Variants in UCHL3 observed in about 807,000 individuals in gnomAD.
The protein encoded by UCHL3 is ubiquitin C-terminal hydrolase L3.
In UCHL3, 22 loss-of-function variants were observed where a neutral mutation model predicts 35.8. The observed-to-expected ratio is 0.61, with a 90% CI of 0.44 to 0.88. The LOEUF is 0.88. Ranked by LOEUF, UCHL3 falls within the 40% of genes least tolerant of loss-of-function variation. The pLI is 0.00. For missense variants in UCHL3, 229 were observed against 276.9 expected (o/e 0.83, Z 1.23); for synonymous variants, 90 against 92.8 (o/e 0.97, Z 0.17).
At chr13:75,564,608 C>A (rs2031626277) in intron 3 of UCHL3, among the ~76,000 whole-genome samples, 1 of 152,204 alleles carries the variant, frequency 6.6e-6, no homozygotes, top group South Asian at 2.1e-4. Context: ...TGCATTCCCA[C>A]CAACAGTGCA....
chr13:75,571,251 T>G (rs574067423), intron 6 of UCHL3, among the ~76,000 whole-genome samples: 1 of 152,294 alleles, frequency 6.6e-6, no homozygotes, highest in African/African-American at 2.4e-5. Context: ...AAATATTTAT[T>G]TTTGCCATAC....
At chr13:75,561,160 C>T (rs771911593) in intron 3 of UCHL3, among the ~76,000 whole-genome samples, 13 of 152,238 alleles carry the variant, frequency 8.5e-5, no homozygotes, top group Non-Finnish European at 1.5e-4. Context: ...GTCTCCAACT[C>T]GGGCTCAAGT....
intron 6 of UCHL3, among the ~76,000 whole-genome samples, chr13:75,592,448 A>ATG (rs1555276774): frequency 1.9e-4 from 22 of 116,640 alleles, no homozygotes; most frequent in African/African-American, 6.5e-4. Flanking sequence ...ATATATATAT[A>ATG]TATATATATA....
chr13:75,591,698 A>G (rs776509939), intron 6 of UCHL3, among the ~76,000 whole-genome samples: 5 of 152,178 alleles, frequency 3.3e-5, no homozygotes, highest in East Asian at 3.8e-4. Flanking sequence ...AGATTCTACC[A>G]CTTACTAGCT....
At chr13:75,600,252 G>A (rs757183978) in intron 7 of UCHL3, among the ~76,000 whole-genome samples, 42 of 152,222 alleles carry the variant, frequency 2.8e-4, no homozygotes, top group Non-Finnish European at 5.0e-4. Flanking sequence ...TGGAGAAGCT[G>A]CAAGTTATCC....
chr13:75,585,732 G>A (rs2032304969), intron 6 of UCHL3, among the ~76,000 whole-genome samples: 1 of 151,962 alleles, frequency 6.6e-6, no homozygotes, highest in Non-Finnish European at 1.5e-5. Flanking sequence ...TAAGACAATA[G>A]CACAAAGGGA....
At chr13:75,580,670 C>T (rs2032155380) in intron 6 of UCHL3, among the ~76,000 whole-genome samples, 1 of 152,072 alleles carries the variant, frequency 6.6e-6, no homozygotes, top group African/African-American at 2.4e-5. Context: ...TGATGGTTAC[C>T]ATTTTCTGAA....
intron 7 of UCHL3, among the ~76,000 whole-genome samples, chr13:75,601,625 A>G (rs192570613): frequency 6.4e-4 from 98 of 152,320 alleles, no homozygotes; most frequent in African/African-American, 2.2e-3. Context: ...TAGACTACAG[A>G]GTAATATAAA....
rs563742640 is a variant in UCHL3, at chr13:75,587,176, G to A, written c.475-7739G>A. On this transcript the variant is annotated intron_variant, in intron 6 of 8. Coordinates refer to ENST00000377595, the MANE Select transcript of UCHL3 (RefSeq NM_006002.5). ...AAATAAAGGGAATATTGTTTAAAAA[G>A]GAAGAAGTAAAGCAGTCTCTAATCA... 2.0e-3 allele frequency among the ~76,000 whole-genome samples: 309 copies of A among 152,044 alleles called. 5 individuals carry two copies. Among genetic ancestry groups the A allele is most frequent in the Non-Finnish European group, 1.4e-3 (92 of 67,916 alleles).
intron 2 of UCHL3, 88 bp from the exon 3 acceptor site, chr13:75,560,665 T>A: frequency 8.0e-7 from 1 of 1,256,946 alleles, no homozygotes; most frequent in Non-Finnish European, 1.1e-6. Context: ...TTGTTGATCA[T>A]TTCCCTTTTA....
Position 75,604,810 on chromosome 13 carries a change from G to A in UCHL3, c.592G>A (p.Asp198Asn), listed in dbSNP as rs868615397. The A allele has an allele frequency of 1.3e-6, 2 of 1,598,834 alleles. No individual in the cohort carries two copies. Among genetic ancestry groups the A allele is most frequent in the Non-Finnish European group, 1.7e-6 (2 of 1,172,944 alleles). ...PFPINHGETS[D>N]ETLLEDAIEV... The stretch of plus-strand genomic sequence containing the variant: ...TCCAATTAACCATGGTGAAACTAGT[G>A]ATGAAACTTTATTAGAGGTAACAGT... Residue 198 changes from aspartate (D) to asparagine (N), a missense_variant, in exon 8 of 9, where the codon GAT (aspartate) becomes AAT (asparagine). By Grantham distance (23) the Asp-to-Asn change is conservative. Transcript: ENST00000377595.
chr13:75,596,248 A>G (rs186588118), intron 7 of UCHL3, among the ~76,000 whole-genome samples: 156 of 152,356 alleles, frequency 1.0e-3, no homozygotes, highest in Non-Finnish European at 1.9e-3. Context: ...ATTTATAAAA[A>G]TGTGCAACCC....
At chr13:75,570,050 C>T (rs1201802581) in intron 6 of UCHL3, among the ~76,000 whole-genome samples, 1 of 152,022 alleles carries the variant, frequency 6.6e-6, no homozygotes, top group Non-Finnish European at 1.5e-5. Context: ...TTCCTTCCAT[C>T]TTTTCTTTCT....
chr13:75,573,631 G>A (rs1187984518), intron 6 of UCHL3, among the ~76,000 whole-genome samples: 1 of 152,138 alleles, frequency 6.6e-6, no homozygotes, highest in Non-Finnish European at 1.5e-5. Context: ...GAGAGACGGG[G>A]AGAGAGAGAT....
At chr13:75,579,939 G>A (rs1174152430) in intron 6 of UCHL3, among the ~76,000 whole-genome samples, 1 of 152,118 alleles carries the variant, frequency 6.6e-6, no homozygotes, top group Admixed American at 6.5e-5. Context: ...ACAATGGTAA[G>A]CTTAGGTTTA....
At chr13:75,552,220 G>T (rs2031137427) in intron 2 of UCHL3, among the ~76,000 whole-genome samples, 1 of 152,176 alleles carries the variant, frequency 6.6e-6, no homozygotes, top group Non-Finnish European at 1.5e-5. Flanking sequence ...TAAAAATTTT[G>T]TGGTTGTTTC....
intron 8 of UCHL3, among the ~76,000 whole-genome samples, chr13:75,605,278 C>T (rs1056432965): frequency 1.1e-4 from 16 of 152,074 alleles, no homozygotes; most frequent in Non-Finnish European, 1.9e-4. Context: ...GAGGCCGAGG[C>T]GGGTGGATCA....
At chr13:75,605,456 C>G (rs558720942) in intron 8 of UCHL3, among the ~76,000 whole-genome samples, 1 of 152,012 alleles carries the variant, frequency 6.6e-6, no homozygotes, top group Non-Finnish European at 1.5e-5. Flanking sequence ...TGCAGTGGGC[C>G]GAGATTGCAC....
At chr13:75,556,930 G>T (rs1331084772) in intron 2 of UCHL3, among the ~76,000 whole-genome samples, 1 of 152,200 alleles carries the variant, frequency 6.6e-6, no homozygotes, top group Non-Finnish European at 1.5e-5. Context: ...CTGGTAAAAG[G>T]ATACACTGGG....
Sources: allele counts gnomAD v4.1 joint callset (sites outside exome capture counted in the v4.1 genomes callset), GRCh38; gene constraint gnomAD v4.1.1; transcripts MANE v1.5; gene names NCBI Gene and HGNC (gene_info 2026-07-23, HGNC 2026-07-21).